The following PRKD1 variants were observed in gnomAD, a reference collection of about 807,000 sequenced individuals.
The protein encoded by PRKD1 is serine/threonine-protein kinase D1.
A neutral mutation model predicts 95.9 loss-of-function variants in PRKD1; 63 were observed. That is an observed-to-expected ratio of 0.66 (90% CI 0.54 to 0.81). PRKD1 has a LOEUF of 0.81. PRKD1 is among the 30% of genes least tolerant of loss of function. The probability of loss-of-function intolerance (pLI) is 0.00; values close to 1 mark genes in which losing one functional copy is unlikely to be tolerated. For synonymous variants in PRKD1, 425 were observed against 423.1 expected (o/e 1.00, Z -0.05); for missense variants, 1,048 against 1,165.3 (o/e 0.90, Z 1.47).
chr14:29,620,577 G>A (rs950622150), intron 13 of PRKD1, among the ~76,000 whole-genome samples: 64 of 148,788 alleles, frequency 4.3e-4, no homozygotes, highest in African/African-American at 1.5e-3. Context: ...ATGAAAAAAT[G>A]CTCATCATCA....
chr14:29,837,584 AT>A (rs1345802648), intron 1 of PRKD1, among the ~76,000 whole-genome samples: 1 of 152,214 alleles, frequency 6.6e-6, no homozygotes, highest in Non-Finnish European at 1.5e-5. Flanking sequence ...TTTATATTAA[AT>A]GAGTATTTAT....
chr14:29,900,494 A>C (rs986499163), intron 1 of PRKD1, among the ~76,000 whole-genome samples: 4 of 152,212 alleles, frequency 2.6e-5, no homozygotes, highest in African/African-American at 9.6e-5. Context: ...GTGAAACCTA[A>C]TTAAACTAAA....
intron 1 of PRKD1, among the ~76,000 whole-genome samples, chr14:29,793,020 GA>G (rs45534733): frequency 6.6e-6 from 1 of 151,808 alleles, no homozygotes; most frequent in Non-Finnish European, 1.5e-5. Context: ...ATTATTTTTG[GA>G]AAAAACTTCA....
At chr14:29,907,540 G>A (rs45514301) in intron 1 of PRKD1, among the ~76,000 whole-genome samples, 2,429 of 152,152 alleles carry the variant, frequency 0.016, 42 homozygotes, top group Middle Eastern at 0.048. Flanking sequence ...TTATACTCTC[G>A]TGTGATTGAC....
chr14:29,872,326 G>A (rs1015418858), intron 1 of PRKD1, among the ~76,000 whole-genome samples: 2 of 152,074 alleles, frequency 1.3e-5, no homozygotes, highest in African/African-American at 4.8e-5. Flanking sequence ...ATAATTACTA[G>A]AATGAAAAGG....
At chr14:29,716,506 A>G (rs1043408734) in intron 2 of PRKD1, among the ~76,000 whole-genome samples, 1 of 152,172 alleles carries the variant, frequency 6.6e-6, no homozygotes, top group Non-Finnish European at 1.5e-5. Context: ...AGACCTCAGG[A>G]TATCAATCCT....
intron 2 of PRKD1, among the ~76,000 whole-genome samples, chr14:29,669,805 T>G (rs1882736135): frequency 6.6e-6 from 1 of 152,132 alleles, no homozygotes. Context: ...GAGGCAGAGG[T>G]TGCAATGAAT....
At chr14:29,614,665 TA>T (rs1878722051) in intron 13 of PRKD1, among the ~76,000 whole-genome samples, 1 of 151,966 alleles carries the variant, frequency 6.6e-6, no homozygotes, top group Non-Finnish European at 1.5e-5. Context: ...TTTAGACATT[TA>T]AAATGTTGCC....
chr14:29,583,864 G>C (rs1892827692), intron 16 of PRKD1, among the ~76,000 whole-genome samples: 1 of 151,994 alleles, frequency 6.6e-6, no homozygotes, highest in Admixed American at 6.6e-5. Flanking sequence ...TGTTTCTTTT[G>C]CTACAATAAA....
At chr14:29,858,587 C>CT (rs891512178) in intron 1 of PRKD1, among the ~76,000 whole-genome samples, 1 of 152,082 alleles carries the variant, frequency 6.6e-6, no homozygotes, top group Non-Finnish European at 1.5e-5. Flanking sequence ...CTAGAGATTA[C>CT]TTGTCATGAT....
chr14:29,777,594 C>T (rs902194344), intron 1 of PRKD1, among the ~76,000 whole-genome samples: 2 of 152,194 alleles, frequency 1.3e-5, no homozygotes, highest in Non-Finnish European at 2.9e-5. Context: ...GAAGAGCTAA[C>T]TATCCTAAAT....
chr14:29,837,404 C>T (rs1891652513), intron 1 of PRKD1, among the ~76,000 whole-genome samples: 1 of 152,090 alleles, frequency 6.6e-6, no homozygotes, highest in Non-Finnish European at 1.5e-5. Flanking sequence ...AAATACTAGC[C>T]ATTAGCACTA....
intron 1 of PRKD1, among the ~76,000 whole-genome samples, chr14:29,879,312 T>G (rs1893417584): frequency 1.3e-5 from 2 of 152,220 alleles, no homozygotes; most frequent in Admixed American, 6.5e-5. Context: ...AATTTAATCC[T>G]GGGGGCCGGT....
At chr14:29,793,857 G>A (rs886566779) in intron 1 of PRKD1, among the ~76,000 whole-genome samples, 5 of 151,826 alleles carry the variant, frequency 3.3e-5, no homozygotes, top group Non-Finnish European at 7.4e-5. Context: ...TGCACTAATG[G>A]TAAAATTAAG....
At chr14:29,844,664 C>T (rs992597414) in intron 1 of PRKD1, among the ~76,000 whole-genome samples, 2 of 151,946 alleles carry the variant, frequency 1.3e-5, no homozygotes, top group Non-Finnish European at 1.5e-5. Flanking sequence ...AATTTTTATC[C>T]CCATTTAGCA....
intron 1 of PRKD1, among the ~76,000 whole-genome samples, chr14:29,768,943 A>G (rs1219945104): frequency 4.6e-5 from 7 of 152,142 alleles, no homozygotes; most frequent in African/African-American, 1.7e-4. Context: ...CGGGAGCCCA[A>G]GTCAGGTCAC....
chr14:29,684,336 C>G (rs557810598), intron 2 of PRKD1, among the ~76,000 whole-genome samples: 2 of 152,070 alleles, frequency 1.3e-5, no homozygotes, highest in South Asian at 4.2e-4. Flanking sequence ...GGGGTTTCAC[C>G]ATTTTGGCCA....
chr14:29,916,671 G>C (rs1163794880), intron 1 of PRKD1, among the ~76,000 whole-genome samples: 2 of 152,126 alleles, frequency 1.3e-5, no homozygotes, highest in Admixed American at 6.5e-5. Flanking sequence ...CCATATTAGA[G>C]ACACAGACCA....
At chr14:29,742,332 C>T (rs1418205791) in intron 1 of PRKD1, among the ~76,000 whole-genome samples, 14 of 152,158 alleles carry the variant, frequency 9.2e-5, no homozygotes, top group Non-Finnish European at 1.9e-4. Context: ...GCCAGATGTC[C>T]TCAGCTGAAC....
Sources: allele counts gnomAD v4.1 joint callset (sites outside exome capture counted in the v4.1 genomes callset), GRCh38; gene constraint gnomAD v4.1.1; transcripts MANE v1.5; gene names NCBI Gene and HGNC (gene_info 2026-07-23, HGNC 2026-07-21).